EFCAB13: variants seen among roughly 807,000 people sequenced by gnomAD.
The protein encoded by EFCAB13 is EF-hand calcium binding domain 13.
EFCAB13 carries 91 observed loss-of-function variants against 110.2 expected under a neutral mutation model. The ratio of observed to expected loss-of-function variants is 0.83; its 90% CI spans 0.70 to 0.98. The LOEUF (loss-of-function observed/expected upper bound fraction) is 0.98. EFCAB13 is among the 50% of genes least tolerant of loss of function. The pLI, the probability that EFCAB13 is intolerant of heterozygous loss-of-function variation, is 0.00. For missense variants in EFCAB13, 968 were observed against 1,119.4 expected, an observed-to-expected ratio of 0.86 and a Z score of 1.93; for synonymous variants, 323 against 369.9, an observed-to-expected ratio of 0.87 and a Z score of 1.45.
At chr17:47,335,059 C>A (rs2065341382) in intron 4 of EFCAB13, 137 bp from the exon 5 acceptor site, 2 of 967,642 alleles carry the variant, frequency 2.1e-6, no homozygotes, top group South Asian at 2.1e-5. Context: ...TGAGTAAAAC[C>A]TTTTTCAACA....
At chr17:47,379,354 A>T in intron 14 of EFCAB13, 101 bp downstream of exon 14, 2 of 880,142 alleles carry the variant, frequency 2.3e-6, no homozygotes. Context: ...TGGATACTTA[A>T]TAGTCCTGTG....
At chr17:47,420,895 C>A in intron 23 of EFCAB13, among the ~76,000 whole-genome samples, 1 of 137,602 alleles carries the variant, frequency 7.3e-6, no homozygotes, top group South Asian at 2.4e-4. Context: ...CCAGCCGCCC[C>A]GTCTGGGAGG....
chr17:47,325,427 C>G (rs2065276403), intron 2 of EFCAB13, among the ~76,000 whole-genome samples: 1 of 152,156 alleles, frequency 6.6e-6, no homozygotes. Context: ...TCAGAAAGAA[C>G]TTCAGATTAT....
intron 17 of EFCAB13, among the ~76,000 whole-genome samples, chr17:47,400,214 T>C (rs896386547): frequency 6.6e-6 from 1 of 152,242 alleles, no homozygotes; most frequent in Non-Finnish European, 1.5e-5. Context: ...TGACTTTTTA[T>C]GCAATATCCA....
At chr17:47,385,476 C>G (rs1441802783) in intron 14 of EFCAB13, among the ~76,000 whole-genome samples, 1 of 151,692 alleles carries the variant, frequency 6.6e-6, no homozygotes, top group Non-Finnish European at 1.5e-5. Flanking sequence ...GTTCTTGTGC[C>G]GTGTTTTTCA....
Position 47,370,467 on chromosome 17 carries a change from T to A in EFCAB13, c.836T>A (p.Ile279Lys), listed in dbSNP as rs746674103. The part of the protein sequence containing the change: ...SNHMVDIGDI[I>K]FTLNELQEQY... ...CACATGGTGGATATTGGGGATATTA[T>A]ATTTACTTTGAATGAGCTACAGGAA... Residue 279 changes from isoleucine (I) to lysine (K), a missense_variant, in exon 11 of 25, where the codon ATA (isoleucine) becomes AAA (lysine). Physicochemically the swap from Ile to Lys is moderately radical, Grantham distance 102. Coordinates refer to ENST00000331493, the MANE Select transcript of EFCAB13 (RefSeq NM_152347.5). 5.5e-5 allele frequency: 89 copies of A among 1,606,692 alleles called. No individual in the cohort carries two copies. Among genetic ancestry groups the A allele is most frequent in the Non-Finnish European group, 7.5e-5 (88 of 1,173,754 alleles).
rs539159541 is a variant in EFCAB13, at chr17:47,422,742, A to G, written c.2495-7076A>G. On this transcript the variant is annotated intron_variant, in intron 23 of 24. Coordinates refer to ENST00000331493, the MANE Select transcript of EFCAB13 (RefSeq NM_152347.5). ...ACAAAACAATTTTGACAAAATTTAA[A>G]GAAAAACCTAAATAAATGGAGAGAT... 2.6e-3 allele frequency among the ~76,000 whole-genome samples: 397 copies of G among 152,356 alleles called. 4 individuals carry two copies. Among genetic ancestry groups the G allele is most frequent in the African/African-American group, 9.3e-3 (388 of 41,592 alleles).
At chr17:47,399,104 G>A (rs919902758) in intron 17 of EFCAB13, among the ~76,000 whole-genome samples, 7 of 152,146 alleles carry the variant, frequency 4.6e-5, no homozygotes, top group African/African-American at 9.6e-5. Flanking sequence ...TTGTAGAGAC[G>A]GGGTTTTGTC....
chr17:47,368,971 GT>G (rs2065565351), intron 10 of EFCAB13, among the ~76,000 whole-genome samples: 2 of 152,306 alleles, frequency 1.3e-5, no homozygotes, highest in African/African-American at 4.8e-5. Flanking sequence ...TGCCAATGAT[GT>G]ACCAATCCAG....
At chr17:47,416,011 G>A (rs990597015) in intron 23 of EFCAB13, among the ~76,000 whole-genome samples, 5 of 151,950 alleles carry the variant, frequency 3.3e-5, no homozygotes, top group African/African-American at 4.8e-5. Context: ...TATCAATGGC[G>A]TATTTCTAAA....
intron 9 of EFCAB13, 100 bp from the exon 10 acceptor site, chr17:47,361,278 A>G (rs2065511034): frequency 1.9e-6 from 2 of 1,070,494 alleles, no homozygotes; most frequent in African/African-American, 3.2e-5. Flanking sequence ...CCCTGTGCTT[A>G]TACAAAGTTA....
chr17:47,347,603 GT>G (rs1426135205), intron 8 of EFCAB13, among the ~76,000 whole-genome samples: 1 of 152,148 alleles, frequency 6.6e-6, no homozygotes, highest in Non-Finnish European at 1.5e-5. Context: ...TTGTCTGACA[GT>G]TTCTGAAAGT....
At chr17:47,367,915 A>C (rs2065557327) in intron 10 of EFCAB13, among the ~76,000 whole-genome samples, 1 of 152,166 alleles carries the variant, frequency 6.6e-6, no homozygotes, top group Admixed American at 6.5e-5. Flanking sequence ...CAGTTGTTCT[A>C]GCTGGTGGGC....
intron 9 of EFCAB13, 21 bp from the exon 10 acceptor site, chr17:47,361,357 A>G (rs1303950279): frequency 6.2e-7 from 1 of 1,610,688 alleles, no homozygotes; most frequent in South Asian, 1.1e-5. Flanking sequence ...TTCTCATGGT[A>G]TAATAATTTC....
chr17:47,341,834 T>C (rs1424975987), intron 5 of EFCAB13, 87 bp from the exon 6 acceptor site: 1 of 745,710 alleles, frequency 1.3e-6, no homozygotes, highest in Non-Finnish European at 2.2e-6. Flanking sequence ...TATACTTTTG[T>C]ATATGTTAGA....
At chr17:47,428,740 G>C (rs1388127661) in intron 23 of EFCAB13, among the ~76,000 whole-genome samples, 1 of 152,068 alleles carries the variant, frequency 6.6e-6, no homozygotes, top group Non-Finnish European at 1.5e-5. Flanking sequence ...GTATCATTTT[G>C]CTAAAAATGG....
intron 14 of EFCAB13, among the ~76,000 whole-genome samples, chr17:47,384,585 C>A (rs901551538): frequency 1.3e-5 from 2 of 152,120 alleles, no homozygotes; most frequent in African/African-American, 4.8e-5. Flanking sequence ...GATTTTATTT[C>A]TCCTTCACTT....
intron 23 of EFCAB13, among the ~76,000 whole-genome samples, chr17:47,425,413 G>A (rs1445263707): frequency 1.3e-5 from 2 of 152,122 alleles, no homozygotes; most frequent in Non-Finnish European, 2.9e-5. Flanking sequence ...TGTGATGAAG[G>A]TGCTATAGGT....
At position 47,434,907 on chromosome 17, in the gene EFCAB13, TAAATC is replaced by T. The variant is rs561878320; in HGVS notation, c.2638+4950_2638+4954del. ...ATCAACTCAAGATGGATCAAAGACT[TAAATC>T]AAAGATTTGAAACCATAAAAATTAT... On this transcript the variant is annotated intron_variant, in intron 24 of 24. Coordinates refer to ENST00000331493, the MANE Select transcript of EFCAB13 (RefSeq NM_152347.5). 2.7e-3 allele frequency among the ~76,000 whole-genome samples: 406 copies of T among 152,274 alleles called. 4 individuals are homozygous for T. Among genetic ancestry groups the T allele is most frequent in the African/African-American group, 9.4e-3 (392 of 41,564 alleles).
Sources: gnomAD v4.1 joint callset for allele counts (sites outside exome capture counted in the v4.1 genomes callset) on GRCh38, gnomAD v4.1.1 for gene constraint, MANE v1.5 for transcripts, NCBI Gene and HGNC (gene_info 2026-07-23, HGNC 2026-07-21) for gene names.